Variants in P2RX5 observed in about 807,000 individuals in gnomAD.
The protein encoded by P2RX5 is purinergic receptor P2X 5.
A neutral mutation model predicts 54.1 loss-of-function variants in P2RX5; 46 were observed. The observed-to-expected ratio is 0.85, with a 90% CI of 0.67 to 1.09. The LOEUF is 1.09. Ranked by LOEUF, P2RX5 falls within the 50% of genes least tolerant of loss-of-function variation. The pLI, the probability that P2RX5 is intolerant of heterozygous loss-of-function variation, is 0.00. For missense variants in P2RX5, 566 were observed against 549.8 expected (o/e 1.03, Z -0.29); for synonymous variants, 226 against 226.4 (o/e 1.00, Z 0.02).
chr17:3,682,167 C>A, intron 9 of P2RX5, 189 bp from the exon 10 acceptor site: 3 of 638,156 alleles, frequency 4.7e-6, no homozygotes, highest in Non-Finnish European at 8.6e-6. Flanking sequence ...CATGGTGGAG[C>A]TCAAGCTGGA....
intron 10 of P2RX5, among the ~76,000 whole-genome samples, chr17:3,680,424 T>G (rs1241662206): frequency 3.3e-5 from 4 of 120,690 alleles, no homozygotes; most frequent in Admixed American, 8.0e-5. Flanking sequence ...TCCTCCACCC[T>G]GCATCCTCCA....
At chr17:3,679,993 TTCCTCCACGTGGCG>T (rs2050198803) in intron 10 of P2RX5, among the ~76,000 whole-genome samples, 3 of 115,062 alleles carry the variant, frequency 2.6e-5, no homozygotes, top group East Asian at 2.8e-4. Flanking sequence ...TCCACCCTGC[TTCCTCCACGTGGCG>T]TCCTCCACCC....
At chr17:3,706,252 C>T in the P2RX5 span, among the ~76,000 whole-genome samples, 1 of 151,740 alleles carries the variant, frequency 6.6e-6, no homozygotes, top group Non-Finnish European at 1.5e-5. Flanking sequence ...CACGCCTGGC[C>T]CCTGGGTAAT....
the P2RX5 span, chr17:3,720,341 T>C: frequency 6.3e-7 from 1 of 1,591,534 alleles, no homozygotes; most frequent in Non-Finnish European, 8.6e-7. Context: ...CAGTCCCTCA[T>C]ATAGAGATTT....
At chr17:3,684,926 A>G (rs1597257136) in intron 9 of P2RX5, among the ~76,000 whole-genome samples, 1 of 136,900 alleles carries the variant, frequency 7.3e-6, no homozygotes, top group Admixed American at 8.5e-5. Flanking sequence ...GCTCACCGCA[A>G]CCTCCTCCTC....
At position 3,691,618 on chromosome 17, in the gene P2RX5, G is replaced by A. The variant is rs766827567; in HGVS notation, c.288+26C>T. The A allele has an allele frequency of 3.1e-6, 5 of 1,613,874 alleles. No individual in the cohort carries two copies. In the South Asian group the frequency reaches 4.4e-5, roughly 14 times the overall value. Reference sequence around the variant, plus strand: ...AACCAGGCAGTCCCTGCCAGCCTTGGCCGTGTGCTAGGTGGGGACTCAGAC... The same window carrying A: ...AACCAGGCAGTCCCTGCCAGCCTTGACCGTGTGCTAGGTGGGGACTCAGAC... On this transcript the variant is annotated intron_variant, in intron 2 of 11. Coordinates refer to ENST00000225328, the MANE Select transcript of P2RX5 (RefSeq NM_002561.4).
chr17:3,695,442 G>A (rs2143002214), intron 1 of P2RX5, among the ~76,000 whole-genome samples: 1 of 152,254 alleles, frequency 6.6e-6, no homozygotes, highest in South Asian at 2.1e-4. Context: ...GTGACACCCT[G>A]TGATTATAAA....
the P2RX5 span, chr17:3,721,571 C>T: frequency 6.6e-6 from 1 of 152,288 alleles, no homozygotes; most frequent in African/African-American, 2.4e-5. Flanking sequence ...AGCCACCACA[C>T]TCACAATTCT....
the P2RX5 span, chr17:3,716,726 G>C: frequency 2.5e-6 from 4 of 1,610,780 alleles, no homozygotes; most frequent in Admixed American, 5.0e-5. Context: ...AACACCAGAA[G>C]TCCACCAACG....
Position 3,691,706 on chromosome 17 carries a change from T to C in P2RX5, c.226A>G (p.Thr76Ala). 6.2e-7 allele frequency: 1 copy of C among 1,614,170 alleles called. No individual in the cohort carries two copies. The highest frequency in any genetic ancestry group is 2.2e-5 in the East Asian group (1 of 44,884). Residue 76 changes from threonine to alanine, a missense_variant, in exon 2 of 12, where the codon ACC becomes GCC. Thr to Ala is a moderately conservative substitution (Grantham distance 58). Transcript: ENST00000225328. ...CGCTGCCCAAGATCCGAGGTGTTGG[T>C]GAAGGCCACGCCCTTGACTTTGGTG... ...VITKVKGVAF[T>A]NTSDLGQRIW...
upstream of P2RX5, among the ~76,000 whole-genome samples, chr17:3,699,093 A>C (rs1033196444): frequency 3.0e-4 from 18 of 59,602 alleles, no homozygotes; most frequent in African/African-American, 8.8e-4. Flanking sequence ...ACACACACAC[A>C]CCTATATATA....
rs111164840 is a variant in P2RX5, at chr17:3,680,259, A to G, written c.1065-475T>C. 1.5e-3 allele frequency among the ~76,000 whole-genome samples: 121 copies of G among 81,132 alleles called. 1 individual carries two copies. Among genetic ancestry groups the G allele is most frequent in the African/African-American group, 2.6e-3 (53 of 20,342 alleles). 53.2% of individuals were successfully genotyped at this position (81,132 alleles called of 152,430 possible). On this transcript the variant is annotated intron_variant, in intron 10 of 11. Transcript: ENST00000225328. ...CTCCACCCAGCGTCCTCCACCCTGC[A>G]TCCTCCACCCAGTGTCCTCCACCCT...
In P2RX5 at chr17:3,691,812, G is replaced by T; in HGVS notation, c.138-18C>A. The stretch of plus-strand genomic sequence containing the variant: ...ACACCCATCTGTGGGAAGGGGGCCG[G>T]TACGTGGGCATCAGCCACTCTGCTG... On this transcript the variant is annotated intron_variant, in intron 1 of 11. Coordinates refer to ENST00000225328, the MANE Select transcript of P2RX5 (RefSeq NM_002561.4). 2 of 1,613,982 alleles carry T rather than the reference G, an allele frequency of 1.2e-6. No individual in the cohort carries two copies. Among genetic ancestry groups the T allele is most frequent in the South Asian group, 2.2e-5 (2 of 91,076 alleles).
upstream of P2RX5, among the ~76,000 whole-genome samples, chr17:3,699,095 C>CATATA (rs60173844): frequency 6.1e-4 from 61 of 100,188 alleles, no homozygotes; most frequent in Non-Finnish European, 8.5e-4. Context: ...ACACACACAC[C>CATATA]TATATATATA....
intron 11 of P2RX5, chr17:3,676,251 A>G (rs2050101736): frequency 7.1e-6 from 7 of 985,428 alleles, no homozygotes; most frequent in Non-Finnish European, 8.4e-6. Context: ...CAAGCCCAAC[A>G]TCGAAACGTA....
In P2RX5 at chr17:3,673,727, C is replaced by T; in HGVS notation, c.*141G>A. ...TGGAGGTCACTTTGCTCTGTGATGG[C>T]TGGTCCCTGTGATGTGGCATTGATA... is the stretch of plus-strand genomic sequence containing the variant. On this transcript the variant is annotated 3_prime_UTR_variant, in exon 12 of 12. Transcript: ENST00000225328. The T allele has an allele frequency of 6.3e-7, 1 of 1,598,452 alleles. No homozygotes were observed. Among genetic ancestry groups the T allele is most frequent in the South Asian group, 1.1e-5 (1 of 89,048 alleles).
chr17:3,712,755 T>C, the P2RX5 span, among the ~76,000 whole-genome samples: 1 of 152,018 alleles, frequency 6.6e-6, no homozygotes, highest in Non-Finnish European at 1.5e-5. Context: ...GAGACCAGCC[T>C]AACATGGTGA....
the P2RX5 span, chr17:3,716,902 C>A: frequency 1.5e-6 from 1 of 666,794 alleles, no homozygotes; most frequent in East Asian, 2.6e-5. Flanking sequence ...GGCAACAACC[C>A]GTGTATTGAT....
chr17:3,696,588 G>A (rs1449736991), upstream of P2RX5, among the ~76,000 whole-genome samples: 1 of 152,092 alleles, frequency 6.6e-6, no homozygotes, highest in Non-Finnish European at 1.5e-5. Flanking sequence ...CCAAGTAGCT[G>A]GGACTACAGG....
Sources: allele counts gnomAD v4.1 joint callset (sites outside exome capture counted in the v4.1 genomes callset), GRCh38; gene constraint gnomAD v4.1.1; transcripts MANE v1.5; gene names NCBI Gene and HGNC (gene_info 2026-07-23, HGNC 2026-07-21).